The following SAMD12 variants were observed in gnomAD, a reference collection of about 807,000 sequenced individuals.
The protein encoded by SAMD12 is sterile alpha motif domain containing 12.
Under a neutral mutation model 15.0 loss-of-function variants are expected in SAMD12, and 9 were observed. The observed-to-expected ratio is 0.60, with a 90% confidence interval of 0.36 to 1.05. The LOEUF is 1.05. SAMD12 is among the 50% of genes least tolerant of loss of function. The pLI is 0.01. For missense variants in SAMD12, 230 were observed against 234.2 expected (o/e 0.98, Z 0.12); for synonymous variants, 86 against 90.1 (o/e 0.96, Z 0.25).
intron 1 of SAMD12, among the ~76,000 whole-genome samples, chr8:118,603,772 C>A (rs770652882): frequency 6.6e-6 from 1 of 151,940 alleles, no homozygotes; most frequent in Admixed American, 6.6e-5. Flanking sequence ...ACGACCTATT[C>A]GGAACAAATA....
At chr8:118,251,380 C>T (rs1003468830) in intron 4 of SAMD12, among the ~76,000 whole-genome samples, 3 of 152,014 alleles carry the variant, frequency 2.0e-5, no homozygotes, top group Admixed American at 6.6e-5. Flanking sequence ...CATCAAAGCC[C>T]GCCCTGGTTT....
chr8:118,457,746 CTTA>C (rs771713440), intron 2 of SAMD12, among the ~76,000 whole-genome samples: 56 of 152,148 alleles, frequency 3.7e-4, no homozygotes, highest in Non-Finnish European at 7.9e-4. Context: ...GAAGCTGGCT[CTTA>C]TTATTAGAAA....
the SAMD12 span, among the ~76,000 whole-genome samples, chr8:118,132,382 C>G: frequency 1.1e-4 from 16 of 152,164 alleles, no homozygotes; most frequent in African/African-American, 3.6e-4. Context: ...GAATGCACAA[C>G]CCCAGAGTGT....
At chr8:118,213,953 C>G (rs1811897517) in intron 4 of SAMD12, among the ~76,000 whole-genome samples, 1 of 152,170 alleles carries the variant, frequency 6.6e-6, no homozygotes, top group South Asian at 2.1e-4. Flanking sequence ...TTCAGCACAG[C>G]ACACCCACCT....
chr8:118,581,658 A>C (rs994606777), intron 1 of SAMD12, among the ~76,000 whole-genome samples: 3 of 152,222 alleles, frequency 2.0e-5, no homozygotes, highest in African/African-American at 7.2e-5. Context: ...TTCATCTAAC[A>C]AACGCTTACT....
intron 4 of SAMD12, among the ~76,000 whole-genome samples, chr8:118,226,500 C>T (rs1192855048): frequency 6.6e-6 from 1 of 152,172 alleles, no homozygotes; most frequent in Non-Finnish European, 1.5e-5. Context: ...TTCTTTAACA[C>T]TCACCCTGAA....
intron 3 of SAMD12, among the ~76,000 whole-genome samples, chr8:118,437,619 G>T (rs971831962): frequency 2.6e-5 from 4 of 152,102 alleles, no homozygotes; most frequent in Non-Finnish European, 5.9e-5. Flanking sequence ...TAAGTAACTT[G>T]CCCAGGTTAA....
chr8:118,172,289 T>C, the SAMD12 span, among the ~76,000 whole-genome samples: 1 of 152,164 alleles, frequency 6.6e-6, no homozygotes, highest in South Asian at 2.1e-4. Context: ...GGGAATTGTA[T>C]GTATTGTTTA....
At chr8:118,153,076 C>T in the SAMD12 span, among the ~76,000 whole-genome samples, 96 of 152,340 alleles carry the variant, frequency 6.3e-4, no homozygotes, top group Non-Finnish European at 1.3e-3. Context: ...AATCACTGCT[C>T]ATAAGCATAT....
chr8:118,543,152 G>C (rs139074703), intron 2 of SAMD12, among the ~76,000 whole-genome samples: 4 of 152,158 alleles, frequency 2.6e-5, no homozygotes, highest in Non-Finnish European at 5.9e-5. Context: ...GGAGGAAATC[G>C]ACCCTTGAAA....
chr8:118,344,793 G>A (rs966360558), intron 4 of SAMD12, among the ~76,000 whole-genome samples: 1 of 152,150 alleles, frequency 6.6e-6, no homozygotes, highest in Admixed American at 6.5e-5. Flanking sequence ...GGTCTTGGAT[G>A]TACGGTCACA....
intron 2 of SAMD12, among the ~76,000 whole-genome samples, chr8:118,549,129 C>T (rs1489145588): frequency 6.6e-6 from 1 of 152,270 alleles, no homozygotes; most frequent in African/African-American, 2.4e-5. Context: ...ACAACAGTAA[C>T]CTCTGCAGAC....
chr8:118,162,509 G>A, the SAMD12 span, among the ~76,000 whole-genome samples: 25 of 152,052 alleles, frequency 1.6e-4, no homozygotes, highest in South Asian at 4.6e-3. Flanking sequence ...GACTGGTAGA[G>A]ATAATGATGA....
chr8:118,322,016 A>C (rs1040248011), intron 4 of SAMD12, among the ~76,000 whole-genome samples: 28 of 152,250 alleles, frequency 1.8e-4, no homozygotes, highest in African/African-American at 6.7e-4. Flanking sequence ...TGCAATCTGG[A>C]AGATTATCCC....
At chr8:118,497,656 C>T (rs368441306) in intron 2 of SAMD12, among the ~76,000 whole-genome samples, 13 of 130,870 alleles carry the variant, frequency 9.9e-5, no homozygotes, top group Middle Eastern at 5.0e-3. Context: ...CAAACCCCAG[C>T]GACACAAAAT....
At chr8:118,532,001 G>A (rs1362503285) in intron 2 of SAMD12, among the ~76,000 whole-genome samples, 1 of 152,118 alleles carries the variant, frequency 6.6e-6, no homozygotes, top group Non-Finnish European at 1.5e-5. Flanking sequence ...TCCCTGTCTT[G>A]CGCCCGTTTT....
At chr8:118,308,714 CT>C (rs33966721) in intron 4 of SAMD12, among the ~76,000 whole-genome samples, 72,285 of 149,508 alleles carry the variant, frequency 0.48, 19,708 homozygotes, top group African/African-American at 0.77. Flanking sequence ...GTACACATGA[CT>C]TTTTTTTTTT....
chr8:118,250,120 G>T (rs1812785400), intron 4 of SAMD12, among the ~76,000 whole-genome samples: 1 of 152,144 alleles, frequency 6.6e-6, no homozygotes, highest in Non-Finnish European at 1.5e-5. Flanking sequence ...CAGATCATGT[G>T]AGGAGAGTGG....
the SAMD12 span, among the ~76,000 whole-genome samples, chr8:118,151,122 T>G: frequency 1.3e-5 from 2 of 152,178 alleles, no homozygotes; most frequent in Admixed American, 1.3e-4. Flanking sequence ...CTAGCTCACA[T>G]TATTTCTAAT....
Sources: gnomAD v4.1 joint callset for allele counts (sites outside exome capture counted in the v4.1 genomes callset) on GRCh38, gnomAD v4.1.1 for gene constraint, MANE v1.5 for transcripts, NCBI Gene and HGNC (gene_info 2026-07-23, HGNC 2026-07-21) for gene names.